LARP1: variants seen among roughly 807,000 people sequenced by gnomAD.
LARP1 encodes the protein la-related protein 1.
In LARP1, 36 loss-of-function variants were observed where a neutral mutation model predicts 122.7. The ratio of observed to expected loss-of-function variants is 0.29; its 90% CI spans 0.22 to 0.39. The LOEUF (loss-of-function observed/expected upper bound fraction) is 0.39. Among genes scored for constraint, LARP1 ranks in the 10% least tolerant of loss-of-function variants. The probability of loss-of-function intolerance (pLI) is 1.00; values close to 1 mark genes in which losing one functional copy is unlikely to be tolerated. For missense variants in LARP1, 1,040 were observed against 1,403.6 expected, an observed-to-expected ratio of 0.74 and a Z score of 4.14; for synonymous variants, 539 against 528.7, an observed-to-expected ratio of 1.02 and a Z score of -0.27.
At position 154,816,213 on chromosome 5, in the gene LARP1, C is replaced by G. The variant is rs1198412787; in HGVS notation, c.*2117C>G. 6.5e-6 allele frequency: 1 copy of G among 153,610 alleles called. No homozygotes were observed. The highest frequency in any genetic ancestry group is 1.5e-5 in the Non-Finnish European group (1 of 68,812). The allele number at this position is 153,610 out of a possible 1,614,324, so 9.5% of individuals were successfully genotyped here. A position where few individuals can be genotyped will look rare whatever the true frequency, so the allele number is the denominator to read the frequency against. On this transcript the variant is annotated 3_prime_UTR_variant, in exon 19 of 19. Transcript: ENST00000518297. ...TATCCGAGGCCTTTCCCTGCCCAGT[C>G]TGGTGCCTGCCCCACATTGTACCGG...
At chr5:154,687,786 A>AT (rs1754005515) in intron 1 of LARP1, among the ~76,000 whole-genome samples, 2 of 62,320 alleles carry the variant, frequency 3.2e-5, no homozygotes, top group South Asian at 4.5e-4. Context: ...CCAGGATAAC[A>AT]CGAGAGAACC....
chr5:154,785,804 C>T (rs907520212), intron 1 of LARP1, among the ~76,000 whole-genome samples: 19 of 152,150 alleles, frequency 1.2e-4, no homozygotes, highest in African/African-American at 4.3e-4. Context: ...TCCAACCATC[C>T]CAGTTAGTAA....
At chr5:154,790,815 ATTCT>A (rs878874283) in intron 3 of LARP1, 105 bp downstream of exon 3, 4 of 1,054,366 alleles carry the variant, frequency 3.8e-6, no homozygotes, top group Admixed American at 4.3e-5. Flanking sequence ...CTCAGTTTTC[ATTCT>A]TTCTTTTTTT....
chr5:154,708,010 G>A (rs1358531328), upstream of LARP1, among the ~76,000 whole-genome samples: 4 of 152,156 alleles, frequency 2.6e-5, no homozygotes, highest in East Asian at 7.7e-4. Flanking sequence ...CAGTTGATCC[G>A]CTTCTAGCAT....
Position 154,792,713 on chromosome 5 carries a change from A to C in LARP1, c.656A>C (p.Glu219Ala). ...QEKGEGSDSK[E>A]SPKTKSDESG... ...AAAGGAGAAGGGAGTGATAGTAAGG[A>C]GAGTCCAAAAACCAAATCAGATGAA... Residue 219 changes from glutamate (E) to alanine (A), a missense_variant, in exon 4 of 19, where the codon GAG (glutamate) becomes GCG (alanine). Transcript: ENST00000518297. 6.2e-7 allele frequency: 1 copy of C among 1,614,208 alleles called. No homozygotes were observed. Among genetic ancestry groups the C allele is most frequent in the Non-Finnish European group, 8.5e-7 (1 of 1,180,022 alleles).
At chr5:154,774,911 G>A (rs1169514974) in intron 1 of LARP1, among the ~76,000 whole-genome samples, 1 of 152,142 alleles carries the variant, frequency 6.6e-6, no homozygotes, top group Non-Finnish European at 1.5e-5. Flanking sequence ...GGATTTGTAG[G>A]CTTTGTTTCC....
chr5:154,700,085 G>A (rs1252185548), intron 1 of LARP1, among the ~76,000 whole-genome samples: 2 of 152,184 alleles, frequency 1.3e-5, no homozygotes, highest in Non-Finnish European at 2.9e-5. Flanking sequence ...GCCTGGACTA[G>A]GGTGAGGGGA....
At chr5:154,764,620 A>C (rs13153108) in intron 1 of LARP1, among the ~76,000 whole-genome samples, 5 of 146,978 alleles carry the variant, frequency 3.4e-5, no homozygotes, top group Admixed American at 1.4e-4. Context: ...AAAAAAAAAA[A>C]CTGGCTGGGC....
intron 1 of LARP1, among the ~76,000 whole-genome samples, chr5:154,685,533 A>G (rs1041051362): frequency 6.6e-6 from 1 of 152,150 alleles, no homozygotes; most frequent in African/African-American, 2.4e-5. Context: ...TAGCGTAGAA[A>G]GTGGGGAGCA....
At chr5:154,792,058 T>C (rs1582425078) in intron 3 of LARP1, 1 of 439,104 alleles carries the variant, frequency 2.3e-6, no homozygotes, top group East Asian at 7.2e-5. Flanking sequence ...TCACTACGCT[T>C]GGGTTTTCTG....
intron 1 of LARP1, among the ~76,000 whole-genome samples, chr5:154,690,621 C>T (rs1476591282): frequency 6.6e-6 from 1 of 152,240 alleles, no homozygotes; most frequent in African/African-American, 2.4e-5. Flanking sequence ...CTCCACGCAC[C>T]CTCCCTGCCT....
chr5:154,756,385 C>T, intron 1 of LARP1, 192 bp downstream of exon 1: 2 of 991,434 alleles, frequency 2.0e-6, no homozygotes, highest in Non-Finnish European at 2.4e-6. Context: ...CCTGCCCCTG[C>T]CCGAGGGCCC....
chr5:154,745,663 C>A (rs1043237692), intron 1 of LARP1, among the ~76,000 whole-genome samples: 2 of 152,128 alleles, frequency 1.3e-5, no homozygotes, highest in Admixed American at 1.3e-4. Context: ...CTCTCAAAGA[C>A]ATAATGAATT....
intron 4 of LARP1, 142 bp from the exon 5 acceptor site, chr5:154,793,453 A>G: frequency 1.0e-6 from 1 of 974,562 alleles, no homozygotes. Context: ...AAAGAGGGCT[A>G]ATGTGTGGGA....
intron 1 of LARP1, among the ~76,000 whole-genome samples, chr5:154,768,793 G>T (rs892287578): frequency 1.8e-4 from 28 of 152,304 alleles, no homozygotes; most frequent in Non-Finnish European, 2.2e-4. Flanking sequence ...TGTTGGCCAG[G>T]CTGGTCTTGG....
chr5:154,765,282 T>C (rs958879657), intron 1 of LARP1, among the ~76,000 whole-genome samples: 4 of 152,240 alleles, frequency 2.6e-5, no homozygotes, highest in African/African-American at 9.6e-5. Flanking sequence ...CAGATCACTG[T>C]GGTGGAAATG....
rs1209240843 is a variant in LARP1, at chr5:154,802,174, T to G, written c.1884T>G (p.Asp628Glu). ...AGAACACCTTCACTGCCTGGTCTGA[T>G]GAGGAATCTGACTATGAGATTGATG... ...GRKNTFTAWS[D>E]EESDYEIDDR... The change falls in exon 11 of 19, where the codon GAT becomes GAG. Residue 628 changes from aspartate to glutamate, a missense_variant. This residue lies in a region of LARP1 where 362 missense variants were observed against 533.1 expected (regional missense o/e 0.68). Coordinates refer to ENST00000518297, the MANE Select transcript of LARP1 (RefSeq NM_033551.3). The surrounding 1 kb of genome is among the most constrained non-coding windows in gnomAD (Gnocchi z 5.1). 1 of 1,614,120 alleles carries G rather than the reference T, an allele frequency of 6.2e-7. No homozygotes were observed. Among genetic ancestry groups the G allele is most frequent in the Non-Finnish European group, 8.5e-7 (1 of 1,180,020 alleles).
chr5:154,756,489 G>A, intron 1 of LARP1: 1 of 985,868 alleles, frequency 1.0e-6, no homozygotes, highest in Non-Finnish European at 1.2e-6. Context: ...GGTGGGCGCT[G>A]GTTTCAGTGA....
intron 8 of LARP1, among the ~76,000 whole-genome samples, chr5:154,796,002 ATAT>A (rs1273459784): frequency 2.0e-5 from 2 of 100,184 alleles, no homozygotes; most frequent in African/African-American, 4.0e-5. Flanking sequence ...ATTTTTATAT[ATAT>A]TATATATTTA....
Sources: allele counts gnomAD v4.1 joint callset (sites outside exome capture counted in the v4.1 genomes callset), GRCh38; gene constraint gnomAD v4.1.1; regional missense constraint gnomAD v4.1.1; non-coding constraint Gnocchi (gnomAD v3.1); transcripts MANE v1.5; gene names NCBI Gene and HGNC (gene_info 2026-07-23, HGNC 2026-07-21).